GSG1: variants seen among roughly 807,000 people sequenced by gnomAD.
GSG1 encodes germ cell associated 1, also known as germ cell-specific gene 1 protein.
A neutral mutation model predicts 30.8 loss-of-function variants in GSG1; 28 were observed. The observed-to-expected ratio is 0.91, with a 90% CI of 0.67 to 1.25. GSG1 has a LOEUF of 1.25. Ranked by LOEUF, GSG1 falls within the 50% of genes most tolerant of loss-of-function variation. GSG1 has a pLI of 0.00. For missense variants in GSG1, 435 were observed against 444.7 expected, an observed-to-expected ratio of 0.98 and a Z score of 0.20; for synonymous variants, 162 against 178.0, an observed-to-expected ratio of 0.91 and a Z score of 0.71.
chr12:13,084,798 C>G lies in GSG1; in HGVS notation c.*103G>C, dbSNP rs1024631205. The G allele has an allele frequency of 1.3e-6, 1 of 778,138 alleles. No homozygotes were observed. The allele number at this position is 778,138 out of a possible 1,614,324, so 48.2% of individuals were successfully genotyped here. ...TTATTCATAGCCTTATTCGTAGCCT[C>G]TAAAAACCATGCTCAAGAGACGGAT... is the stretch of plus-strand genomic sequence containing the variant. On this transcript the variant is annotated 3_prime_UTR_variant, in exon 7 of 7. Transcript: ENST00000651961.
intron 4 of GSG1, among the ~76,000 whole-genome samples, 172 bp from the exon 5 acceptor site, chr12:13,088,231 G>A (rs138354525): frequency 1.1e-3 from 170 of 152,288 alleles, no homozygotes; most frequent in Middle Eastern, 6.8e-3. Context: ...GTCCTTTGAC[G>A]TCACTCACAG....
chr12:13,099,164 A>G (rs1193706780), intron 1 of GSG1, among the ~76,000 whole-genome samples: 1 of 152,058 alleles, frequency 6.6e-6, no homozygotes, highest in Non-Finnish European at 1.5e-5. Flanking sequence ...CCTCTTTTTG[A>G]CAAAACATGA....
intron 2 of GSG1, 80 bp from the exon 3 acceptor site, chr12:13,089,356 A>T: frequency 6.5e-7 from 1 of 1,543,464 alleles, no homozygotes; most frequent in Middle Eastern, 2.1e-4. Flanking sequence ...TAGCTGAAAT[A>T]GGGAGAAGTA....
chr12:13,099,740 GTTTTTTTTTGTTT>G (rs1863014013), intron 1 of GSG1, among the ~76,000 whole-genome samples: 2 of 95,830 alleles, frequency 2.1e-5, no homozygotes, highest in South Asian at 6.8e-4. Flanking sequence ...GGGATCCGGT[GTTTTTTTTTGTTT>G]TTTTTTTTTT....
intron 1 of GSG1, among the ~76,000 whole-genome samples, chr12:13,099,762 T>TG (rs1555128136): frequency 2.7e-5 from 4 of 148,264 alleles, no homozygotes; most frequent in Admixed American, 1.3e-4. Flanking sequence ...TTTTTTTTTT[T>TG]TTTTTTGTTT....
intron 1 of GSG1, among the ~76,000 whole-genome samples, chr12:13,099,228 C>T (rs1228693567): frequency 6.6e-6 from 1 of 152,202 alleles, no homozygotes; most frequent in Non-Finnish European, 1.5e-5. Context: ...CACTTCCTTT[C>T]ATTGTAATTT....
At chr12:13,090,983 G>A (rs977200919) in intron 1 of GSG1, among the ~76,000 whole-genome samples, 165 bp from the exon 2 acceptor site, 2 of 152,190 alleles carry the variant, frequency 1.3e-5, no homozygotes, top group African/African-American at 2.4e-5. Flanking sequence ...GGGGCCGCAT[G>A]GAAGCCCCGC....
intron 1 of GSG1, among the ~76,000 whole-genome samples, chr12:13,099,770 T>C (rs1863060300): frequency 6.8e-6 from 1 of 146,196 alleles, no homozygotes; most frequent in Non-Finnish European, 1.5e-5. Flanking sequence ...TTTTTTTTTG[T>C]TTTTTCTTCA....
chr12:13,100,889 C>T (rs537762001), intron 1 of GSG1, among the ~76,000 whole-genome samples: 1 of 152,318 alleles, frequency 6.6e-6, no homozygotes, highest in South Asian at 2.1e-4. Context: ...TCTAGTCTTC[C>T]TAACGTAGGT....
At position 13,099,355 on chromosome 12, in the gene GSG1, C is replaced by A. The variant is rs1015044135; in HGVS notation, c.48+4110G>T. 2.0e-5 allele frequency among the ~76,000 whole-genome samples: 3 copies of A among 152,198 alleles called. No homozygotes were observed. The South Asian group carries it at 6.2e-4, about 31-fold the overall frequency. Reference sequence around the variant, plus strand: ...TCAGAAGCTCATGACTCAGCACAGACACGAAGATTCCACACCTAAAAACAG... The same window carrying A: ...TCAGAAGCTCATGACTCAGCACAGAAACGAAGATTCCACACCTAAAAACAG... On this transcript the variant is annotated intron_variant, in intron 1 of 6. Coordinates refer to ENST00000651961, the MANE Select transcript of GSG1 (RefSeq NM_001080555.4).
intron 5 of GSG1, 147 bp downstream of exon 5, chr12:13,087,760 A>T: frequency 1.4e-6 from 1 of 718,238 alleles, no homozygotes; most frequent in Non-Finnish European, 2.2e-6. Context: ...TTTGTATGTT[A>T]CTTCAATTTA....
intron 1 of GSG1, among the ~76,000 whole-genome samples, chr12:13,098,249 T>G (rs918768343): frequency 1.3e-5 from 2 of 151,620 alleles, no homozygotes; most frequent in Non-Finnish European, 2.9e-5. Flanking sequence ...GTCACGTGCT[T>G]CCCCCACCAG....
intron 1 of GSG1, among the ~76,000 whole-genome samples, chr12:13,100,268 C>G (rs1863100811): frequency 6.6e-6 from 1 of 152,172 alleles, no homozygotes; most frequent in Non-Finnish European, 1.5e-5. Context: ...CTAAAGGAAA[C>G]AGGACGCTTC....
intron 1 of GSG1, among the ~76,000 whole-genome samples, chr12:13,094,702 C>G (rs1290236474): frequency 6.6e-6 from 1 of 152,162 alleles, no homozygotes; most frequent in East Asian, 1.9e-4. Flanking sequence ...AAAGACTGAC[C>G]TAAAGACTTA....
chr12:13,098,141 GTTT>G (rs1174478366), intron 1 of GSG1, among the ~76,000 whole-genome samples: 1 of 141,046 alleles, frequency 7.1e-6, no homozygotes. Context: ...TGTGTTCTTT[GTTT>G]TTTTTTTTTT....
chr12:13,092,832 C>A (rs1411635471), intron 1 of GSG1, among the ~76,000 whole-genome samples: 1 of 151,532 alleles, frequency 6.6e-6, no homozygotes, highest in African/African-American at 2.4e-5. Flanking sequence ...ACTCTTGTTG[C>A]CCAGGCTGGA....
At chr12:13,098,821 C>T (rs1310789724) in intron 1 of GSG1, among the ~76,000 whole-genome samples, 2 of 152,040 alleles carry the variant, frequency 1.3e-5, no homozygotes, top group Admixed American at 1.3e-4. Flanking sequence ...TTCGCCTTCT[C>T]CAGGGAAATG....
chr12:13,098,390 C>T (rs931701026), intron 1 of GSG1, among the ~76,000 whole-genome samples: 20 of 147,118 alleles, frequency 1.4e-4, no homozygotes, highest in Middle Eastern at 7.2e-3. Context: ...ATTCAGGGCT[C>T]AGGCTGAACT....
rs552951748 is a variant in GSG1 at position 13,101,867 on chromosome 12, T to A, written c.48+1598A>T. On this transcript the variant is annotated intron_variant, in intron 1 of 6. Coordinates refer to ENST00000651961, the MANE Select transcript of GSG1 (RefSeq NM_001080555.4). The surrounding 1 kb of genome is among the most constrained non-coding windows in gnomAD (Gnocchi z 5.8). ...GATCCGAGTTCTATTTACGACCCAA[T>A]GCACGACTGCACTGAGGATTTTGGC... Among the ~76,000 whole-genome samples the A allele has an allele frequency of 6.6e-6, 1 of 152,176 alleles. No homozygotes were observed.
Sources: gnomAD v4.1 joint callset for allele counts (sites outside exome capture counted in the v4.1 genomes callset) on GRCh38, gnomAD v4.1.1 for gene constraint, Gnocchi (gnomAD v3.1) non-coding constraint, MANE v1.5 for transcripts, NCBI Gene and HGNC (gene_info 2026-07-23, HGNC 2026-07-21) for gene names.